Variants in TMPRSS4 observed in about 807,000 individuals in gnomAD.
The protein encoded by TMPRSS4 is transmembrane serine protease 4.
Under a neutral mutation model 56.4 loss-of-function variants are expected in TMPRSS4, and 45 were observed. The ratio of observed to expected loss-of-function variants is 0.80; its 90% CI spans 0.63 to 1.02. TMPRSS4 has a LOEUF of 1.02. Among genes scored for constraint, TMPRSS4 ranks in the 50% least tolerant of loss-of-function variants. The pLI is 0.00. For synonymous variants in TMPRSS4, 205 were observed against 211.0 expected (o/e 0.97, Z 0.25); for missense variants, 546 against 556.7 (o/e 0.98, Z 0.19).
chr11:118,103,341 C>T lies in TMPRSS4; in HGVS notation c.310+88C>T. On this transcript the variant is annotated intron_variant, in intron 4 of 12. Transcript: ENST00000437212. Reference sequence around the variant, plus strand: ...CGGCCCACTGCATAGTATCTGCCCCCTACTTGTCACTTTTCATCCTTGTTG... The same window carrying T: ...CGGCCCACTGCATAGTATCTGCCCCTTACTTGTCACTTTTCATCCTTGTTG... The T allele has an allele frequency of 2.0e-6, 3 of 1,464,212 alleles. No individual in the cohort carries two copies. In the South Asian group the frequency reaches 4.1e-5, roughly 20 times the overall value. The allele number at this position is 1,464,212 out of a possible 1,614,324, so 90.7% of individuals were successfully genotyped here.
intron 10 of TMPRSS4, 87 bp from the exon 11 acceptor site, chr11:118,115,051 C>G: frequency 1.9e-6 from 3 of 1,555,836 alleles, no homozygotes; most frequent in Non-Finnish European, 2.6e-6. Flanking sequence ...AGCACCAAGG[C>G]GCCAGGCAGA....
intron 1 of TMPRSS4, among the ~76,000 whole-genome samples, chr11:118,083,489 T>TG (rs1488413129): frequency 6.6e-6 from 1 of 152,166 alleles, no homozygotes; most frequent in Non-Finnish European, 1.5e-5. Context: ...AAGTCGCTCT[T>TG]TGCTCAGTTC....
chr11:118,106,358 C>T (rs1302203161), intron 5 of TMPRSS4: 16 of 152,158 alleles, frequency 1.1e-4, no homozygotes, highest in Non-Finnish European at 1.6e-4. Flanking sequence ...CCATTTCCAC[C>T]ATATTCCGTC....
At chr11:118,105,261 T>C (rs940149781) in intron 5 of TMPRSS4, among the ~76,000 whole-genome samples, 5 of 152,212 alleles carry the variant, frequency 3.3e-5, no homozygotes, top group Admixed American at 2.6e-4. Context: ...CTAGTTTCAG[T>C]GGGGCCCCAT....
intron 1 of TMPRSS4, among the ~76,000 whole-genome samples, chr11:118,092,211 C>G (rs560770049): frequency 1.3e-5 from 2 of 152,134 alleles, no homozygotes; most frequent in Non-Finnish European, 2.9e-5. Context: ...TCACCTTGCC[C>G]GCTGCCTAGA....
intron 2 of TMPRSS4, among the ~76,000 whole-genome samples, chr11:118,096,454 C>T (rs896167729): frequency 6.6e-6 from 1 of 152,280 alleles, no homozygotes. Context: ...ATATGATTAG[C>T]CATCATTCAA....
At chr11:118,100,081 G>A (rs1946660580) in intron 3 of TMPRSS4, among the ~76,000 whole-genome samples, 1 of 152,144 alleles carries the variant, frequency 6.6e-6, no homozygotes, top group South Asian at 2.1e-4. Context: ...CCGAGACAGG[G>A]ATTCTGGCTC....
intron 1 of TMPRSS4, among the ~76,000 whole-genome samples, chr11:118,094,188 T>A (rs1480021858): frequency 1.3e-5 from 2 of 152,232 alleles, no homozygotes; most frequent in African/African-American, 4.8e-5. Context: ...CATAAAATAC[T>A]TGTACGTTTA....
chr11:118,108,948 G>A (rs1464469780), intron 7 of TMPRSS4, 52 bp downstream of exon 7: 4 of 1,591,302 alleles, frequency 2.5e-6, no homozygotes, highest in South Asian at 1.1e-5. Context: ...CAATGAGCAG[G>A]GAGGAAGACC....
chr11:118,123,174 G>A (rs1424888303), downstream of TMPRSS4, among the ~76,000 whole-genome samples: 9 of 151,008 alleles, frequency 6.0e-5, no homozygotes, highest in Admixed American at 3.3e-4. Context: ...ATCATCCCAC[G>A]GATCCCTTGC....
chr11:118,089,644 A>G (rs1945814422), intron 1 of TMPRSS4, among the ~76,000 whole-genome samples: 1 of 152,174 alleles, frequency 6.6e-6, no homozygotes, highest in Non-Finnish European at 1.5e-5. Context: ...TGAGGTGGGT[A>G]GAGCAAGTGT....
chr11:118,087,512 G>C (rs966864955), intron 1 of TMPRSS4: 1 of 152,216 alleles, frequency 6.6e-6, no homozygotes. Context: ...GAGGTTCAGA[G>C]ACATTGAGGA....
chr11:118,111,892 C>T lies in TMPRSS4; in HGVS notation c.735C>T (p.His245=), dbSNP rs761664566. 1 of 1,608,356 alleles carries T rather than the reference C, an allele frequency of 6.2e-7. No individual in the cohort carries two copies. The highest frequency in any genetic ancestry group is 1.3e-5 in the African/African-American group (1 of 74,590). The change falls in exon 8 of 13, where the codon CAC becomes CAT. Residue 245 remains histidine, a synonymous_variant. Transcript: ENST00000437212. ...CCCACTGGGTCCTCACGGCAGCCCA[C>T]TGCTTCAGGTAAGACCCCAGCTGTA... is the stretch of plus-strand genomic sequence containing the variant. ...LDPHWVLTAA[H]CFRKHTDVFN...
chr11:118,110,347 T>C (rs909627367), intron 7 of TMPRSS4, among the ~76,000 whole-genome samples: 5 of 149,308 alleles, frequency 3.3e-5, no homozygotes, highest in Admixed American at 6.7e-5. Context: ...ATTCTCTCTT[T>C]TTTTTTTTTT....
chr11:118,085,036 G>T (rs951105405), intron 1 of TMPRSS4, among the ~76,000 whole-genome samples: 3 of 152,084 alleles, frequency 2.0e-5, no homozygotes, highest in African/African-American at 7.2e-5. Flanking sequence ...GGGCTCCTGG[G>T]GGCTTGCAAA....
chr11:118,112,985 C>A (rs1024733063), intron 8 of TMPRSS4, among the ~76,000 whole-genome samples: 2 of 152,040 alleles, frequency 1.3e-5, no homozygotes, highest in African/African-American at 4.8e-5. Context: ...GAGAGAGCGC[C>A]AGGACCTCAG....
rs566419491 is a variant in TMPRSS4, at chr11:118,095,480, G to C, written c.43+625G>C. 2.0e-5 allele frequency: 3 copies of C among 153,282 alleles called. No individual in the cohort carries two copies. In the South Asian group the frequency reaches 6.2e-4, roughly 32 times the overall value. The allele number at this position is 153,282 out of a possible 1,614,324, so 9.5% of individuals were successfully genotyped here. A position where few individuals can be genotyped will look rare whatever the true frequency, so the allele number is the denominator to read the frequency against. On this transcript the variant is annotated intron_variant, in intron 2 of 12. Transcript: ENST00000437212. ...TGCTTGACGGGCTATGTATTTCTCA[G>C]TTCTGGGTCATGAGTTAATAATGAC...
intron 12 of TMPRSS4, chr11:118,117,692 TTTTCTGACA>T: frequency 1.0e-6 from 1 of 985,434 alleles, no homozygotes; most frequent in Non-Finnish European, 1.2e-6. Flanking sequence ...TTTCTTTCTC[TTTTCTGACA>T]GAATGAGACT....
chr11:118,086,701 C>G (rs1316291861), intron 1 of TMPRSS4: 1 of 153,040 alleles, frequency 6.5e-6, no homozygotes, highest in Non-Finnish European at 1.5e-5. Flanking sequence ...AAACTCACTC[C>G]CTCCTCTCCT....
Sources: gnomAD v4.1 joint callset for allele counts (sites outside exome capture counted in the v4.1 genomes callset) on GRCh38, gnomAD v4.1.1 for gene constraint, MANE v1.5 for transcripts, NCBI Gene and HGNC (gene_info 2026-07-23, HGNC 2026-07-21) for gene names.